Variants in ATP6V1H observed in about 807,000 individuals in gnomAD.
ATP6V1H encodes the protein ATPase H+ transporting V1 subunit H, also known as V-type proton ATPase subunit H.
ATP6V1H carries 39 observed loss-of-function variants against 71.7 expected under a neutral mutation model. The ratio of observed to expected loss-of-function variants is 0.54; its 90% CI spans 0.42 to 0.71. The LOEUF is 0.71. Among genes scored for constraint, ATP6V1H ranks in the 30% least tolerant of loss-of-function variants. ATP6V1H has a pLI of 0.00. For synonymous variants in ATP6V1H, 192 were observed against 199.3 expected, an observed-to-expected ratio of 0.96 and a Z score of 0.31; for missense variants, 509 against 594.9, an observed-to-expected ratio of 0.86 and a Z score of 1.50.
At chr8:53,774,786 C>A (rs1416088810) in intron 9 of ATP6V1H, among the ~76,000 whole-genome samples, 1 of 152,094 alleles carries the variant, frequency 6.6e-6, no homozygotes, top group Non-Finnish European at 1.5e-5. Flanking sequence ...CAGAAAAATT[C>A]AGGTAAAACT....
At chr8:53,775,213 G>A (rs766548720) in intron 9 of ATP6V1H, among the ~76,000 whole-genome samples, 2 of 152,162 alleles carry the variant, frequency 1.3e-5, no homozygotes, top group Non-Finnish European at 2.9e-5. Context: ...CCTCCCGGTA[G>A]GTTCATGGTC....
chr8:53,776,247 C>G (rs375952429), intron 9 of ATP6V1H, among the ~76,000 whole-genome samples: 3 of 152,182 alleles, frequency 2.0e-5, no homozygotes, highest in African/African-American at 7.2e-5. Context: ...CCGCAAGCGC[C>G]GCACGCAGCC....
intron 9 of ATP6V1H, among the ~76,000 whole-genome samples, chr8:53,784,518 G>A (rs986820010): frequency 3.3e-5 from 5 of 152,102 alleles, no homozygotes; most frequent in Non-Finnish European, 7.4e-5. Context: ...CTTTTAATTG[G>A]AGCATTTAGC....
At position 53,736,923 on chromosome 8, in the gene ATP6V1H, C is replaced by T. The variant is rs117474981; in HGVS notation, c.1391+6654G>A. ...CTGGTAGTTAAAAATCAACCCCTGACGTAACCGCTTGTATTATCTATAGAT... is the reference window on the plus strand; with the variant it reads ...CTGGTAGTTAAAAATCAACCCCTGATGTAACCGCTTGTATTATCTATAGAT... On this transcript the variant is annotated intron_variant, in intron 13 of 13. Transcript: ENST00000359530. Among the ~76,000 whole-genome samples the T allele has an allele frequency of 6.0e-3, 911 of 152,344 alleles. 7 individuals are homozygous for T. Among genetic ancestry groups the T allele is most frequent in the Non-Finnish European group, 8.4e-3 (570 of 68,034 alleles).
chr8:53,731,030 C>T (rs1806996386), intron 13 of ATP6V1H, among the ~76,000 whole-genome samples: 1 of 152,186 alleles, frequency 6.6e-6, no homozygotes. Flanking sequence ...TATTAAGCCT[C>T]CACGCGACTT....
chr8:53,832,730 A>C (rs1025397201), intron 3 of ATP6V1H: 4 of 286,678 alleles, frequency 1.4e-5, no homozygotes, highest in African/African-American at 8.8e-5. Flanking sequence ...AAATTCTCTT[A>C]AAAAAAGAAA....
At chr8:53,718,196 TG>T (rs1307050774) in intron 13 of ATP6V1H, among the ~76,000 whole-genome samples, 1 of 152,140 alleles carries the variant, frequency 6.6e-6, no homozygotes, top group Non-Finnish European at 1.5e-5. Context: ...TGAAGATAAT[TG>T]ATTTCTTCAC....
chr8:53,722,511 A>G (rs1806658945), intron 13 of ATP6V1H, among the ~76,000 whole-genome samples: 1 of 152,182 alleles, frequency 6.6e-6, no homozygotes, highest in African/African-American at 2.4e-5. Context: ...CAAAGATAGC[A>G]CGTAAGCAAA....
intron 12 of ATP6V1H, among the ~76,000 whole-genome samples, chr8:53,749,981 CA>C (rs2130218842): frequency 6.6e-6 from 1 of 152,222 alleles, no homozygotes; most frequent in South Asian, 2.1e-4. Flanking sequence ...GAAGAAAAAG[CA>C]ATGGAACAGT....
intron 4 of ATP6V1H, among the ~76,000 whole-genome samples, chr8:53,822,356 A>G (rs945108012): frequency 2.6e-5 from 4 of 152,156 alleles, no homozygotes; most frequent in South Asian, 2.1e-4. Flanking sequence ...TATAAATGTT[A>G]TATGTTCTGA....
rs557886315 is a variant in ATP6V1H at position 53,767,389 on chromosome 8, C to G, written c.1175+2229G>C. ...ATTTTTCTGTGAATCTAAAATTGTTCTAAAAATTAAAGTCTATTTTAAAAG... is the reference window on the plus strand; with the variant it reads ...ATTTTTCTGTGAATCTAAAATTGTTGTAAAAATTAAAGTCTATTTTAAAAG... On this transcript the variant is annotated intron_variant, in intron 11 of 13. Coordinates refer to ENST00000359530, the MANE Select transcript of ATP6V1H (RefSeq NM_015941.4). Among the ~76,000 whole-genome samples the G allele has an allele frequency of 1.4e-3, 216 of 152,108 alleles. 2 individuals are homozygous for G. The highest frequency in any genetic ancestry group is 5.0e-3 in the African/African-American group (206 of 41,496).
At chr8:53,796,619 C>A (rs548897665) in intron 8 of ATP6V1H, among the ~76,000 whole-genome samples, 1 of 152,042 alleles carries the variant, frequency 6.6e-6, no homozygotes, top group South Asian at 2.1e-4. Context: ...GTTAAGAGCT[C>A]GAAGACCATA....
At chr8:53,784,403 C>T (rs944463737) in intron 9 of ATP6V1H, among the ~76,000 whole-genome samples, 2 of 152,172 alleles carry the variant, frequency 1.3e-5, no homozygotes, top group Admixed American at 1.3e-4. Flanking sequence ...GATCTTCCTC[C>T]ATCCCTTTAT....
At chr8:53,801,995 T>G in intron 7 of ATP6V1H, 99 bp from the exon 8 acceptor site, 1 of 1,047,898 alleles carries the variant, frequency 9.5e-7, no homozygotes, top group African/African-American at 1.6e-5. Flanking sequence ...CCTACTGGAA[T>G]TACCATCTGA....
chr8:53,721,132 A>G (rs1806594972), intron 13 of ATP6V1H, among the ~76,000 whole-genome samples: 2 of 152,188 alleles, frequency 1.3e-5, no homozygotes, highest in Admixed American at 6.5e-5. Flanking sequence ...ATATTTGGTA[A>G]AGGGGAAAAA....
chr8:53,809,139 G>C (rs773492628), intron 7 of ATP6V1H, among the ~76,000 whole-genome samples: 1 of 152,120 alleles, frequency 6.6e-6, no homozygotes, highest in Non-Finnish European at 1.5e-5. Context: ...GTCTCTGTGT[G>C]ACCTCGGGCA....
chr8:53,747,665 G>A (rs576273690), intron 12 of ATP6V1H, among the ~76,000 whole-genome samples: 9 of 151,710 alleles, frequency 5.9e-5, no homozygotes, highest in African/African-American at 2.2e-4. Context: ...CAAGCCTCCC[G>A]AGTAGCTGGG....
chr8:53,731,363 T>C (rs760896708), intron 13 of ATP6V1H, among the ~76,000 whole-genome samples: 7 of 152,066 alleles, frequency 4.6e-5, no homozygotes, highest in African/African-American at 7.2e-5. Context: ...AAGGCAAAAA[T>C]GAGATCAATA....
chr8:53,774,035 T>G (rs1340985409), intron 9 of ATP6V1H, among the ~76,000 whole-genome samples: 1 of 152,290 alleles, frequency 6.6e-6, no homozygotes, highest in East Asian at 1.9e-4. Context: ...TGTTATGTAT[T>G]ATCAAATGGC....
Sources: allele counts gnomAD v4.1 joint callset (sites outside exome capture counted in the v4.1 genomes callset), GRCh38; gene constraint gnomAD v4.1.1; transcripts MANE v1.5; gene names NCBI Gene and HGNC (gene_info 2026-07-23, HGNC 2026-07-21).